Variants in RTN4 observed in about 807,000 individuals in gnomAD.
RTN4 encodes reticulon 4.
Under a neutral mutation model 90.4 loss-of-function variants are expected in RTN4, and 32 were observed. The observed-to-expected ratio is 0.35, with a 90% CI of 0.27 to 0.48. RTN4 has a LOEUF of 0.48. Ranked by LOEUF, RTN4 falls within the 20% of genes least tolerant of loss-of-function variation. The pLI is 0.99. For missense variants in RTN4, 1,706 were observed against 1,430.2 expected (o/e 1.19, Z -3.11); for synonymous variants, 629 against 552.5 (o/e 1.14, Z -1.94).
rs1677283523 is a variant in RTN4, at chr2:54,973,274, GTA to G, written c.3537-78_3537-77del. On this transcript the variant is annotated intron_variant, in intron 8 of 8. Transcript: ENST00000337526. ...AAATACCATCTTCCAAGAACTACTT[GTA>G]TGTTATTCAGCTAATACAATAAATG... 2.4e-6 allele frequency: 3 copies of G among 1,251,314 alleles called. No homozygotes were observed. The South Asian group carries it at 3.8e-5, about 16-fold the overall frequency. 77.5% of individuals were successfully genotyped at this position (1,251,314 alleles called of 1,614,324 possible).
At chr2:54,978,677 G>C (rs1224966698) in intron 5 of RTN4, among the ~76,000 whole-genome samples, 1 of 152,096 alleles carries the variant, frequency 6.6e-6, no homozygotes, top group Non-Finnish European at 1.5e-5. Flanking sequence ...CTGAAATTAA[G>C]ATGGTTTCCA....
intron 1 of RTN4, among the ~76,000 whole-genome samples, chr2:55,093,943 G>C (rs543108097): frequency 3.7e-4 from 56 of 152,294 alleles, no homozygotes; most frequent in African/African-American, 1.3e-3. Context: ...TGGAATATGA[G>C]AGGGACATGG....
the RTN4 span, among the ~76,000 whole-genome samples, chr2:55,127,509 T>A: frequency 6.6e-6 from 1 of 152,230 alleles, no homozygotes; most frequent in African/African-American, 2.4e-5. Flanking sequence ...AGAGACCATA[T>A]CCTCTTCTTC....
intron 3 of RTN4, among the ~76,000 whole-genome samples, chr2:55,002,720 T>C (rs1679933918): frequency 6.6e-6 from 1 of 152,204 alleles, no homozygotes; most frequent in African/African-American, 2.4e-5. Context: ...AAGGTAAAGC[T>C]AAATATCTTC....
At chr2:55,097,931 C>G (rs895578728) in intron 1 of RTN4, among the ~76,000 whole-genome samples, 1 of 152,030 alleles carries the variant, frequency 6.6e-6, no homozygotes, top group African/African-American at 2.4e-5. Flanking sequence ...CATATGGAAG[C>G]CTTCAGCACT....
intron 5 of RTN4, among the ~76,000 whole-genome samples, chr2:54,975,510 A>C (rs531045794): frequency 3.1e-4 from 47 of 152,298 alleles, no homozygotes; most frequent in African/African-American, 1.1e-3. Context: ...CTCTGTGAAG[A>C]GCCAGACAGT....
Position 54,982,635 on chromosome 2 carries a change from T to C in RTN4, c.3240A>G (p.Glu1080=), listed in dbSNP as rs764371039. The change falls in exon 5 of 9, where the codon GAA becomes GAG. Residue 1080 remains glutamate, a synonymous_variant. Coordinates refer to ENST00000337526, the MANE Select transcript of RTN4 (RefSeq NM_020532.5). ...GHPFRAYLES[E]VAISEELVQK... ...GAACCAACTCCTCAGATATAGCAACTTCAGATTCCAGATATGCCCTAGAAA... is the reference window on the plus strand; with the variant it reads ...GAACCAACTCCTCAGATATAGCAACCTCAGATTCCAGATATGCCCTAGAAA... 1.2e-6 allele frequency: 2 copies of C among 1,609,330 alleles called. No homozygotes were observed. The highest frequency in any genetic ancestry group is 1.7e-5 in the Admixed American group (1 of 59,178).
At chr2:55,047,878 G>A (rs918949209) in intron 1 of RTN4, among the ~76,000 whole-genome samples, 3 of 152,194 alleles carry the variant, frequency 2.0e-5, no homozygotes, top group African/African-American at 7.2e-5. Flanking sequence ...GAACTTAGGT[G>A]AATGAAAGAA....
rs1267087108 is a variant in RTN4 at position 55,026,443 on chromosome 2, T to G, written c.1656A>C (p.Pro552=). 6.2e-7 allele frequency: 1 copy of G among 1,613,924 alleles called. No homozygotes were observed. Residue 552 remains proline (P), a synonymous_variant, in exon 3 of 9, where the codon CCA becomes CCC. Coordinates refer to ENST00000337526, the MANE Select transcript of RTN4 (RefSeq NM_020532.5). ...VVANMPEGLT[P]DLVQEACESE... is the part of the protein sequence containing the mutation. Reference sequence around the variant, plus strand: ...TTTCACATGCTTCCTGTACTAAATCTGGAGTCAGGCCTTCAGGCATGTTTG... The same window carrying G: ...TTTCACATGCTTCCTGTACTAAATCGGGAGTCAGGCCTTCAGGCATGTTTG...
At chr2:55,112,522 C>T (rs1199972849) in exon 1 of RTN4, 1 of 152,328 alleles carries the variant, frequency 6.6e-6, no homozygotes, top group African/African-American at 2.4e-5. Flanking sequence ...ACACTGACCT[C>T]TAAGCTTTTT....
intron 2 of RTN4, among the ~76,000 whole-genome samples, chr2:55,065,804 G>A: frequency 6.6e-6 from 1 of 152,272 alleles, no homozygotes; most frequent in African/African-American, 2.4e-5. Flanking sequence ...TTAGAACAAT[G>A]GTTACTGGGT....
intron 1 of RTN4, among the ~76,000 whole-genome samples, chr2:55,029,453 A>G (rs1009519522): frequency 6.6e-6 from 1 of 152,184 alleles, no homozygotes; most frequent in Non-Finnish European, 1.5e-5. Flanking sequence ...CCATCAGACA[A>G]TTTGAAACAG....
intron 3 of RTN4, among the ~76,000 whole-genome samples, chr2:55,008,068 A>G (rs1680363765): frequency 6.6e-6 from 1 of 152,070 alleles, no homozygotes; most frequent in African/African-American, 2.4e-5. Context: ...TGAAGAATAT[A>G]TAAAAGAATG....
intron 1 of RTN4, among the ~76,000 whole-genome samples, chr2:55,044,900 T>C (rs1353277823): frequency 4.0e-5 from 6 of 151,876 alleles, no homozygotes; most frequent in Admixed American, 3.9e-4. Flanking sequence ...TTCCCAACTT[T>C]TAAAAATAAG....
chr2:55,092,818 A>G (rs950437363), intron 1 of RTN4, among the ~76,000 whole-genome samples: 1 of 152,272 alleles, frequency 6.6e-6, no homozygotes, highest in Non-Finnish European at 1.5e-5. Flanking sequence ...GCCTCACACT[A>G]GAGCTAGAAG....
chr2:55,081,005 G>A (rs1355783346), intron 1 of RTN4, among the ~76,000 whole-genome samples: 1 of 152,084 alleles, frequency 6.6e-6, no homozygotes, highest in East Asian at 1.9e-4. Context: ...GCTCTCAAAA[G>A]GTACACTGTA....
intron 1 of RTN4, among the ~76,000 whole-genome samples, chr2:55,111,294 A>C (rs1005057727): frequency 6.6e-6 from 1 of 152,302 alleles, no homozygotes; most frequent in Non-Finnish European, 1.5e-5. Context: ...CAGAGCAAGC[A>C]CAGAGATAAC....
chr2:55,040,781 C>T (rs946322911), intron 1 of RTN4, among the ~76,000 whole-genome samples: 1 of 151,734 alleles, frequency 6.6e-6, no homozygotes, highest in Non-Finnish European at 1.5e-5. Context: ...TTACTCAGCC[C>T]TAGGCCTAGT....
chr2:55,027,535 G>A (rs1168022629), intron 2 of RTN4, 50 bp from the exon 3 acceptor site: 3 of 1,533,362 alleles, frequency 2.0e-6, no homozygotes, highest in Admixed American at 2.2e-5. Context: ...TGTTCTCAGA[G>A]TTAATGCAAG....
Sources: gnomAD v4.1 joint callset for allele counts (sites outside exome capture counted in the v4.1 genomes callset) on GRCh38, gnomAD v4.1.1 for gene constraint, MANE v1.5 for transcripts, NCBI Gene and HGNC (gene_info 2026-07-23, HGNC 2026-07-21) for gene names.